The following FBLN7 variants were observed in gnomAD, a reference collection of about 807,000 sequenced individuals.
The protein encoded by FBLN7 is fibulin 7, also known as fibulin-7.
FBLN7 carries 31 observed loss-of-function variants against 44.0 expected under a neutral mutation model. That is an observed-to-expected ratio of 0.70 (90% confidence interval 0.53 to 0.95). The LOEUF (loss-of-function observed/expected upper bound fraction) is 0.95. FBLN7 is among the 40% of genes least tolerant of loss of function. FBLN7 has a pLI of 0.00. For synonymous variants in FBLN7, 262 were observed against 253.4 expected (o/e 1.03, Z -0.32); for missense variants, 573 against 618.5 (o/e 0.93, Z 0.78).
At chr2:112,234,276 GA>G in the FBLN7 span, 1 of 1,400,020 alleles carries the variant, frequency 7.1e-7, no homozygotes. Flanking sequence ...GTAAGAAACA[GA>G]AAATTAAATA....
the FBLN7 span, chr2:112,214,856 T>C: frequency 6.6e-6 from 1 of 152,148 alleles, no homozygotes; most frequent in Non-Finnish European, 1.5e-5. Context: ...GTCTCCTAAC[T>C]TGATTCAACA....
the FBLN7 span, chr2:112,233,388 A>G: frequency 6.9e-7 from 1 of 1,459,230 alleles, no homozygotes; most frequent in Non-Finnish European, 9.4e-7. Context: ...CAAAAGAAGG[A>G]GCAAGGAAAA....
chr2:112,232,859 G>A, the FBLN7 span, among the ~76,000 whole-genome samples: 1 of 152,182 alleles, frequency 6.6e-6, no homozygotes, highest in African/African-American at 2.4e-5. Context: ...CAAATTAAGG[G>A]ATGATTAATT....
the FBLN7 span, among the ~76,000 whole-genome samples, chr2:112,210,752 T>C: frequency 4.0e-5 from 6 of 150,848 alleles, no homozygotes; most frequent in African/African-American, 7.3e-5. Flanking sequence ...TGTTGAAATA[T>C]AGATGTAAAT....
chr2:112,240,650 A>C, the FBLN7 span, among the ~76,000 whole-genome samples: 3 of 152,236 alleles, frequency 2.0e-5, no homozygotes, highest in South Asian at 6.2e-4. Flanking sequence ...TGGCAACATT[A>C]ATAAAGCCAG....
At chr2:112,204,918 TTTTG>T in the FBLN7 span, among the ~76,000 whole-genome samples, 18 of 152,272 alleles carry the variant, frequency 1.2e-4, no homozygotes, top group African/African-American at 2.4e-4. Flanking sequence ...TAAATATATT[TTTTG>T]TTTATGACAC....
the FBLN7 span, among the ~76,000 whole-genome samples, chr2:112,208,002 T>G: frequency 6.6e-6 from 1 of 152,262 alleles, no homozygotes; most frequent in African/African-American, 2.4e-5. Context: ...CCATACATCC[T>G]GTGTAGCAAT....
the FBLN7 span, among the ~76,000 whole-genome samples, chr2:112,235,685 A>C: frequency 6.6e-6 from 1 of 152,256 alleles, no homozygotes; most frequent in African/African-American, 2.4e-5. Flanking sequence ...TTATTATTCT[A>C]CCCTGCTTAC....
At chr2:112,157,719 G>A (rs186699570) in intron 1 of FBLN7, among the ~76,000 whole-genome samples, 54 of 152,238 alleles carry the variant, frequency 3.5e-4, no homozygotes, top group Admixed American at 1.0e-3. Context: ...AACCTCCCAG[G>A]CTCAAGTGAT....
the FBLN7 span, among the ~76,000 whole-genome samples, chr2:112,195,115 C>T: frequency 6.6e-6 from 1 of 152,282 alleles, no homozygotes; most frequent in East Asian, 1.9e-4. Flanking sequence ...GGATTTCCAA[C>T]AAAACACAGC....
chr2:112,170,508 C>T (rs1480464636), intron 3 of FBLN7, among the ~76,000 whole-genome samples: 2 of 135,520 alleles, frequency 1.5e-5, no homozygotes, highest in Non-Finnish European at 3.1e-5. Context: ...GCCTGGGTGA[C>T]AGAGTGAGAC....
the FBLN7 span, among the ~76,000 whole-genome samples, chr2:112,203,406 G>A: frequency 4.6e-5 from 7 of 152,070 alleles, no homozygotes; most frequent in Admixed American, 2.0e-4. Context: ...TAGCCATACA[G>A]AATAAAAAAA....
At chr2:112,215,996 A>G in the FBLN7 span, 3 of 152,344 alleles carry the variant, frequency 2.0e-5, no homozygotes, top group African/African-American at 7.2e-5. Flanking sequence ...CTAAAATGAA[A>G]TTGTGAACCA....
At chr2:112,241,733 A>G in the FBLN7 span, among the ~76,000 whole-genome samples, 1 of 152,204 alleles carries the variant, frequency 6.6e-6, no homozygotes, top group East Asian at 1.9e-4. Flanking sequence ...TATGTTCATG[A>G]CCACTGCAAA....
intron 2 of FBLN7, among the ~76,000 whole-genome samples, chr2:112,164,033 C>T (rs1682010798): frequency 2.0e-5 from 3 of 152,120 alleles, no homozygotes. Flanking sequence ...AAAATGATGC[C>T]CTCTCTCCAG....
At position 112,187,643 on chromosome 2, in the gene FBLN7, G is replaced by A. The variant is rs11123130; in HGVS notation, c.*137G>A. 0.2 allele frequency: 239,085 copies of A among 1,190,750 alleles called. 24,796 individuals carry two copies. Among genetic ancestry groups the A allele is most frequent in the African/African-American group, 0.23 (15,146 of 65,634 alleles). 73.8% of individuals were successfully genotyped at this position (1,190,750 alleles called of 1,614,324 possible). On this transcript the variant is annotated 3_prime_UTR_variant, in exon 8 of 8. Coordinates refer to ENST00000331203, the MANE Select transcript of FBLN7 (RefSeq NM_153214.3). The surrounding 1 kb of genome is among the most constrained non-coding windows in gnomAD (Gnocchi z 5.1). Reference sequence around the variant, plus strand: ...AGTGCACCCAGGCTTCTAGGGCAGCGTTGCACGGCGCCCCATGGAATAGCA... The same window carrying A: ...AGTGCACCCAGGCTTCTAGGGCAGCATTGCACGGCGCCCCATGGAATAGCA...
At chr2:112,240,474 G>A in the FBLN7 span, 10 of 152,200 alleles carry the variant, frequency 6.6e-5, no homozygotes, top group Non-Finnish European at 1.3e-4. Context: ...ACATAGAGGT[G>A]AGATTTTCTT....
At chr2:112,233,875 A>C in the FBLN7 span, among the ~76,000 whole-genome samples, 1 of 152,166 alleles carries the variant, frequency 6.6e-6, no homozygotes, top group East Asian at 1.9e-4. Flanking sequence ...TCTCAAAAAA[A>C]ATAAATAAAT....
At chr2:112,191,484 T>C (rs1558902718), downstream of FBLN7, among the ~76,000 whole-genome samples, 1 of 152,164 alleles carries the variant, frequency 6.6e-6, no homozygotes, top group Non-Finnish European at 1.5e-5. Context: ...CTTGTTTTCA[T>C]TTTTAACATA....
Sources: allele counts gnomAD v4.1 joint callset (sites outside exome capture counted in the v4.1 genomes callset), GRCh38; gene constraint gnomAD v4.1.1; non-coding constraint Gnocchi (gnomAD v3.1); transcripts MANE v1.5; gene names NCBI Gene and HGNC (gene_info 2026-07-23, HGNC 2026-07-21).